The following HDAC4 variants were observed in gnomAD, a reference collection of about 807,000 sequenced individuals.
HDAC4 encodes histone deacetylase A.
A neutral mutation model predicts 135.1 loss-of-function variants in HDAC4; 16 were observed. The observed-to-expected ratio is 0.12, with a 90% CI of 0.08 to 0.18. HDAC4 has a LOEUF of 0.18. Ranked by LOEUF, HDAC4 falls within the 10% of genes least tolerant of loss-of-function variation. The pLI, the probability that HDAC4 is intolerant of heterozygous loss-of-function variation, is 1.00. For missense variants in HDAC4, 1,143 were observed against 1,511.8 expected, an observed-to-expected ratio of 0.76 and a Z score of 4.05; for synonymous variants, 685 against 653.4, an observed-to-expected ratio of 1.05 and a Z score of -0.74.
intron 5 of HDAC4, among the ~76,000 whole-genome samples, chr2:239,174,391 A>C (rs2043627994): frequency 1.1e-5 from 1 of 90,706 alleles, no homozygotes; most frequent in Admixed American, 1.2e-4. Flanking sequence ...AAAAAGGGGA[A>C]TATTCATTCG....
At chr2:239,194,079 C>T (rs552060943) in intron 3 of HDAC4, among the ~76,000 whole-genome samples, 2 of 152,266 alleles carry the variant, frequency 1.3e-5, no homozygotes, top group East Asian at 3.9e-4. Context: ...AAAATGATCA[C>T]AAGGTTCCTC....
chr2:239,223,139 G>A (rs1017289620), intron 3 of HDAC4, among the ~76,000 whole-genome samples: 2 of 152,196 alleles, frequency 1.3e-5, no homozygotes, highest in Non-Finnish European at 2.9e-5. Context: ...ACATAAGAAC[G>A]CATTTCAGAA....
intron 8 of HDAC4, chr2:239,140,834 C>T (rs1424363148): frequency 1.0e-5 from 4 of 399,634 alleles, no homozygotes; most frequent in African/African-American, 4.2e-5. Context: ...CCCGCGTCCT[C>T]CTGGAGCCCA....
intron 16 of HDAC4, among the ~76,000 whole-genome samples, chr2:239,098,163 T>C (rs1414693843): frequency 5.3e-5 from 8 of 152,210 alleles, no homozygotes; most frequent in South Asian, 2.1e-4. Context: ...TCCAAATGCA[T>C]GCGTATAGGA....
At chr2:239,151,381 T>C (rs967933555) in intron 7 of HDAC4, among the ~76,000 whole-genome samples, 6 of 152,228 alleles carry the variant, frequency 3.9e-5, no homozygotes, top group Non-Finnish European at 7.3e-5. Context: ...ACAGGCCCTG[T>C]GCTCTTCCTC....
At chr2:239,343,457 C>T (rs1271952944) in intron 2 of HDAC4, among the ~76,000 whole-genome samples, 3 of 152,230 alleles carry the variant, frequency 2.0e-5, no homozygotes, top group Admixed American at 6.5e-5. Context: ...AACCCATGCT[C>T]GTTGAAACCA....
chr2:239,157,179 A>G (rs1401296776), intron 6 of HDAC4, among the ~76,000 whole-genome samples: 1 of 152,242 alleles, frequency 6.6e-6, no homozygotes. Flanking sequence ...TGCATAAGGA[A>G]TCAAAGGTGA....
intron 24 of HDAC4, among the ~76,000 whole-genome samples, chr2:239,057,358 A>G (rs2032013463): frequency 6.6e-6 from 1 of 152,214 alleles, no homozygotes; most frequent in Non-Finnish European, 1.5e-5. Context: ...AAAATAAATG[A>G]CATTTCTGTA....
rs139241252 is a variant in HDAC4 at position 239,062,141 on chromosome 2, A to G, written c.3003+4581T>C. On this transcript the variant is annotated intron_variant, in intron 24 of 26. Transcript: ENST00000543185. ...CTTTTCACTGCCCATAGTCACTGGCAGTTGCAGATAACTGAACATGGAAAC... is the reference window on the plus strand; with the variant it reads ...CTTTTCACTGCCCATAGTCACTGGCGGTTGCAGATAACTGAACATGGAAAC... Among the ~76,000 whole-genome samples the G allele has an allele frequency of 1.3e-3, 198 of 152,390 alleles. 1 individual carries two copies. Among genetic ancestry groups the G allele is most frequent in the African/African-American group, 4.6e-3 (190 of 41,600 alleles).
rs116684125 is a variant in HDAC4 at position 239,075,417 on chromosome 2, C to T, written c.2750+5678G>A. Among the ~76,000 whole-genome samples, 1,047 of 151,964 alleles carry T rather than the reference C, an allele frequency of 6.9e-3. 17 individuals carry two copies. Among genetic ancestry groups the T allele is most frequent in the African/African-American group, 0.024 (1,000 of 41,440 alleles). On this transcript the variant is annotated intron_variant, in intron 22 of 26. Coordinates refer to ENST00000543185, the MANE Select transcript of HDAC4 (RefSeq NM_001378414.1). ...TTCCCAAGGCAGTAGGCCCACTGAT[C>T]GTCCACTGATCGTCAGCTCAAGAGG...
chr2:239,180,034 T>A (rs551107892), intron 4 of HDAC4, among the ~76,000 whole-genome samples: 22 of 152,288 alleles, frequency 1.4e-4, no homozygotes, highest in African/African-American at 5.3e-4. Context: ...TTCAGCGGCG[T>A]TGGCAAGGTG....
chr2:239,247,489 G>A lies in HDAC4; in HGVS notation c.23-10825C>T, dbSNP rs184565886. On this transcript the variant is annotated intron_variant, in intron 2 of 26. Transcript: ENST00000543185. ...GCGAGAGACTCCCTTTGCTCCTCCC[G>A]CTTCACCTTTGCTTCAGTGCCGCAG... 1.5e-3 allele frequency among the ~76,000 whole-genome samples: 226 copies of A among 152,272 alleles called. 2 individuals carry two copies. The highest frequency in any genetic ancestry group is 5.2e-3 in the African/African-American group (216 of 41,554).
intron 2 of HDAC4, among the ~76,000 whole-genome samples, chr2:239,305,991 GCA>G (rs1259549879): frequency 6.6e-6 from 1 of 152,230 alleles, no homozygotes; most frequent in East Asian, 1.9e-4. Context: ...CCCTGGGCAA[GCA>G]CAGTGTCTGC....
At chr2:239,384,224 C>A (rs1213682726) in intron 1 of HDAC4, among the ~76,000 whole-genome samples, 1 of 152,162 alleles carries the variant, frequency 6.6e-6, no homozygotes, top group East Asian at 1.9e-4. Flanking sequence ...ATCTGGGATA[C>A]CTGCGTGGGC....
rs1459648008 is a variant in HDAC4 at position 239,139,650 on chromosome 2, GC to G, written c.978+33del. On this transcript the variant is annotated intron_variant, in intron 9 of 26. Coordinates refer to ENST00000543185, the MANE Select transcript of HDAC4 (RefSeq NM_001378414.1). This position sits in a 1 kb window ranked among gnomAD's most constrained non-coding sequence, Gnocchi z 5.3. ...CTCATCCGTCCCGAGTCCGACTCTA[GC>G]CGTAGGACACAGGACAAACGCTTCG... The G allele has an allele frequency of 6.4e-7, 1 of 1,560,882 alleles. No individual in the cohort carries two copies. Among genetic ancestry groups the G allele is most frequent in the East Asian group, 2.2e-5 (1 of 44,634 alleles).
At chr2:239,064,778 T>C (rs1365805664) in intron 24 of HDAC4, among the ~76,000 whole-genome samples, 1 of 152,120 alleles carries the variant, frequency 6.6e-6, no homozygotes, top group Non-Finnish European at 1.5e-5. Context: ...GACACCCTTT[T>C]GTTCTAACGC....
rs1050508847 is a variant in HDAC4 at position 239,400,140 on chromosome 2, G to A, written c.-220+838C>T. Reference sequence around the variant, plus strand: ...GGATCCCACCCCCGAGCGGGACCGGGCCCCGTCTCGGCCTGCTGGCGCCCT... The same window carrying A: ...GGATCCCACCCCCGAGCGGGACCGGACCCCGTCTCGGCCTGCTGGCGCCCT... On this transcript the variant is annotated intron_variant, in intron 1 of 26. Coordinates refer to ENST00000543185, the MANE Select transcript of HDAC4 (RefSeq NM_001378414.1). The surrounding 1 kb of genome is among the most constrained non-coding windows in gnomAD (Gnocchi z 4.7). 1.1e-4 allele frequency among the ~76,000 whole-genome samples: 16 copies of A among 151,806 alleles called. No individual in the cohort carries two copies. Among genetic ancestry groups the A allele is most frequent in the African/African-American group, 3.6e-4 (15 of 41,474 alleles).
chr2:239,190,920 C>A, intron 3 of HDAC4: 1 of 467,606 alleles, frequency 2.1e-6, no homozygotes, highest in South Asian at 1.6e-5. Context: ...GCCCGACCTG[C>A]GCACCCCTTT....
At chr2:239,258,186 T>C (rs986045493) in intron 2 of HDAC4, among the ~76,000 whole-genome samples, 2 of 151,570 alleles carry the variant, frequency 1.3e-5, no homozygotes, top group African/African-American at 2.4e-5. Context: ...CTAGAGTGAA[T>C]TTGTGAGTAG....
Sources: allele counts gnomAD v4.1 joint callset (sites outside exome capture counted in the v4.1 genomes callset), GRCh38; gene constraint gnomAD v4.1.1; non-coding constraint Gnocchi (gnomAD v3.1); transcripts MANE v1.5; gene names NCBI Gene and HGNC (gene_info 2026-07-23, HGNC 2026-07-21).